Variants in LRP1B observed in about 807,000 individuals in gnomAD.
LRP1B encodes LDL receptor related protein 1B.
LRP1B carries 217 observed loss-of-function variants against 556.6 expected under a neutral mutation model. That is an observed-to-expected ratio of 0.39 (90% CI 0.35 to 0.44). The LOEUF is 0.44. LRP1B is among the 20% of genes least tolerant of loss of function. The probability of loss-of-function intolerance (pLI) is 1.00; values close to 1 mark genes in which losing one functional copy is unlikely to be tolerated. For missense variants in LRP1B, 5,053 were observed against 5,620.8 expected (o/e 0.90, Z 3.23); for synonymous variants, 2,047 against 1,865.8 (o/e 1.10, Z -2.50).
rs1684073842 is a variant in LRP1B, at chr2:140,392,668, A to C, written c.10415-6659T>G. Among the ~76,000 whole-genome samples, 9 of 152,108 alleles carry C rather than the reference A, an allele frequency of 5.9e-5. No individual in the cohort carries two copies. The South Asian group carries it at 1.9e-3, about 32-fold the overall frequency. ...ACACCCGGCTAATTTTTGTACTTTTAGTAGAGACCAGTGCTTTCCTATATA... is the reference window on the plus strand; with the variant it reads ...ACACCCGGCTAATTTTTGTACTTTTCGTAGAGACCAGTGCTTTCCTATATA... On this transcript the variant is annotated intron_variant, in intron 66 of 90. Coordinates refer to ENST00000389484, the MANE Select transcript of LRP1B (RefSeq NM_018557.3).
chr2:140,551,674 A>G (rs1413395476), intron 43 of LRP1B, among the ~76,000 whole-genome samples: 1 of 152,050 alleles, frequency 6.6e-6, no homozygotes, highest in East Asian at 1.9e-4. Context: ...GATAAGAACC[A>G]AAAGAGTTTC....
rs2105420149 is a variant in LRP1B, at chr2:140,700,343, T to C, written c.6706A>G (p.Lys2236Glu). 6.2e-7 allele frequency: 1 copy of C among 1,613,192 alleles called. No homozygotes were observed. Among genetic ancestry groups the C allele is most frequent in the Non-Finnish European group, 8.5e-7 (1 of 1,179,560 alleles). ...CTGTAAAAGATTCGGTTGGTACCTT[T>C]TCTTCTTTGATTATAGTCAAAAGCC... ...ALAFDYNQRR[K>E]GTNRIFYSDA... The change falls in exon 41 of 91, where the codon AAA (lysine) becomes GAA (glutamate). Residue 2236 changes from lysine to glutamate, a missense_variant. Coordinates refer to ENST00000389484, the MANE Select transcript of LRP1B (RefSeq NM_018557.3).
chr2:142,066,791 C>A (rs1705125530), intron 1 of LRP1B, among the ~76,000 whole-genome samples: 1 of 151,494 alleles, frequency 6.6e-6, no homozygotes. Context: ...TGCTTTGTTA[C>A]AGTGGTATAC....
intron 3 of LRP1B, among the ~76,000 whole-genome samples, chr2:141,459,943 G>A (rs1177491031): frequency 6.6e-6 from 1 of 152,144 alleles, no homozygotes; most frequent in Non-Finnish European, 1.5e-5. Flanking sequence ...ATGGATAGAA[G>A]ACAAGAGAGA....
intron 3 of LRP1B, among the ~76,000 whole-genome samples, chr2:141,462,187 T>C (rs1681903232): frequency 6.6e-6 from 1 of 152,192 alleles, no homozygotes; most frequent in African/African-American, 2.4e-5. Flanking sequence ...TTGTAGTTCC[T>C]TGTCTAGCCC....
chr2:141,242,693 G>A (rs575577204), intron 5 of LRP1B, among the ~76,000 whole-genome samples: 1 of 152,186 alleles, frequency 6.6e-6, no homozygotes, highest in East Asian at 1.9e-4. Flanking sequence ...ACTGACAATA[G>A]AGTGATGATC....
At chr2:141,839,276 G>C (rs1015538226) in intron 1 of LRP1B, among the ~76,000 whole-genome samples, 15 of 152,030 alleles carry the variant, frequency 9.9e-5, no homozygotes, top group Non-Finnish European at 2.1e-4. Flanking sequence ...TTACATAGTG[G>C]AAATACTAGC....
chr2:141,841,595 T>C (rs1464399860), intron 1 of LRP1B, among the ~76,000 whole-genome samples: 1 of 152,168 alleles, frequency 6.6e-6, no homozygotes, highest in Non-Finnish European at 1.5e-5. Context: ...TACTGTTTGT[T>C]TTGTATTCTT....
At chr2:140,607,956 CAG>C (rs1329267640) in intron 41 of LRP1B, among the ~76,000 whole-genome samples, 1 of 151,752 alleles carries the variant, frequency 6.6e-6, no homozygotes, top group Non-Finnish European at 1.5e-5. Flanking sequence ...TTTAAAAGCT[CAG>C]AGTCATTTTT....
At chr2:141,255,243 G>A (rs1684416233) in intron 3 of LRP1B, among the ~76,000 whole-genome samples, 1 of 151,958 alleles carries the variant, frequency 6.6e-6, no homozygotes. Flanking sequence ...AGTGACAGGA[G>A]CACATTTATT....
At chr2:141,484,939 A>C (rs1231274164) in intron 2 of LRP1B, among the ~76,000 whole-genome samples, 1 of 152,130 alleles carries the variant, frequency 6.6e-6, no homozygotes, top group East Asian at 1.9e-4. Flanking sequence ...GGCTCAAATC[A>C]AAGTTTGATT....
intron 2 of LRP1B, among the ~76,000 whole-genome samples, chr2:141,608,230 A>G (rs1687985501): frequency 6.6e-6 from 1 of 152,150 alleles, no homozygotes. Context: ...GTCTCAAAAG[A>G]AAAAAGAAAA....
intron 31 of LRP1B, among the ~76,000 whole-genome samples, 176 bp from the exon 32 acceptor site, chr2:140,813,982 T>A (rs774438579): frequency 1.3e-5 from 2 of 152,106 alleles, no homozygotes; most frequent in African/African-American, 2.4e-5. Flanking sequence ...TTTTATTTTG[T>A]TAATTTTTTA....
intron 19 of LRP1B, 29 bp downstream of exon 19, chr2:140,951,831 G>C (rs200225277): frequency 1.3e-6 from 2 of 1,561,726 alleles, no homozygotes; most frequent in Non-Finnish European, 1.8e-6. Context: ...GATCAAATTA[G>C]TGCTATACAG....
intron 1 of LRP1B, among the ~76,000 whole-genome samples, chr2:141,888,785 T>C (rs1370519944): frequency 2.0e-5 from 3 of 151,992 alleles, no homozygotes; most frequent in Non-Finnish European, 4.4e-5. Flanking sequence ...TGGAAGTAGG[T>C]TGGAGGACAG....
intron 2 of LRP1B, among the ~76,000 whole-genome samples, chr2:141,621,882 T>C (rs1445068681): frequency 1.3e-5 from 2 of 152,038 alleles, no homozygotes; most frequent in African/African-American, 4.8e-5. Context: ...CTCTCTTTTT[T>C]GTTTGTTTGT....
rs115967803 is a variant in LRP1B, at chr2:141,427,824, T to C, written c.343+52572A>G. Among the ~76,000 whole-genome samples the C allele has an allele frequency of 3.9e-3, 587 of 152,286 alleles. 3 individuals are homozygous for C. The highest frequency in any genetic ancestry group is 0.013 in the African/African-American group (549 of 41,578). On this transcript the variant is annotated intron_variant, in intron 3 of 90. Transcript: ENST00000389484. ...ACACTTACTGCTATCATTAATACTG[T>C]CCCCTCAATATAAAGCTATAAAATG... is the stretch of plus-strand genomic sequence containing the variant.
chr2:140,781,975 C>T (rs1689714517), intron 32 of LRP1B, among the ~76,000 whole-genome samples: 1 of 152,162 alleles, frequency 6.6e-6, no homozygotes, highest in Non-Finnish European at 1.5e-5. Context: ...TTATATTCTT[C>T]ACAATGTTTT....
chr2:141,683,537 G>A (rs1243447642), intron 2 of LRP1B, among the ~76,000 whole-genome samples: 1 of 152,048 alleles, frequency 6.6e-6, no homozygotes, highest in Non-Finnish European at 1.5e-5. Flanking sequence ...GGTTATAAGC[G>A]GTAACAAAAC....
Sources: allele counts gnomAD v4.1 joint callset (sites outside exome capture counted in the v4.1 genomes callset), GRCh38; gene constraint gnomAD v4.1.1; transcripts MANE v1.5; gene names NCBI Gene and HGNC (gene_info 2026-07-23, HGNC 2026-07-21).